UNC13C: variants seen among roughly 807,000 people sequenced by gnomAD.
UNC13C encodes protein unc-13 homolog C.
A neutral mutation model predicts 245.4 loss-of-function variants in UNC13C; 174 were observed. The observed-to-expected ratio is 0.71, with a 90% CI of 0.63 to 0.80. UNC13C has a LOEUF of 0.80. Ranked by LOEUF, UNC13C falls within the 30% of genes least tolerant of loss-of-function variation. UNC13C has a pLI of 0.00. For synonymous variants in UNC13C, 992 were observed against 895.1 expected, an observed-to-expected ratio of 1.11 and a Z score of -1.93; for missense variants, 2,829 against 2,602.9, an observed-to-expected ratio of 1.09 and a Z score of -1.89.
At chr15:54,602,679 T>C (rs1386667179) in intron 30 of UNC13C, among the ~76,000 whole-genome samples, 1 of 152,094 alleles carries the variant, frequency 6.6e-6, no homozygotes, top group African/African-American at 2.4e-5. Context: ...ACCACAAAAG[T>C]CATCAAAGAA....
chr15:53,917,779 C>T, the UNC13C span, among the ~76,000 whole-genome samples: 6 of 152,282 alleles, frequency 3.9e-5, no homozygotes, highest in South Asian at 1.2e-3. Flanking sequence ...AGGGTTAGGA[C>T]AACAGGATTT....
chr15:54,555,573 G>C (rs1246860977), intron 29 of UNC13C, 61 bp downstream of exon 29: 5 of 1,341,780 alleles, frequency 3.7e-6, no homozygotes, highest in South Asian at 2.5e-5. Context: ...TCCAGAGATA[G>C]GTAGCCCTGA....
rs542043833 is a variant in UNC13C, at chr15:54,104,130, A to G, written c.2984-38888A>G. Among the ~76,000 whole-genome samples, 3 of 152,090 alleles carry G rather than the reference A, an allele frequency of 2.0e-5. No individual in the cohort carries two copies. In the East Asian group the frequency reaches 5.8e-4, roughly 29 times the overall value. On this transcript the variant is annotated intron_variant, in intron 2 of 32. Transcript: ENST00000260323. ...CTCGCCTCAGCGAGCCCATGTTTGG[A>G]CCCATTGCTCTGGATACTTGCTGTA...
intron 1 of UNC13C, among the ~76,000 whole-genome samples, chr15:53,986,961 A>G (rs56314416): frequency 0.12 from 18,940 of 152,034 alleles, 1,496 homozygotes; most frequent in East Asian, 0.28. Flanking sequence ...CTAATTTATC[A>G]TAGTAGCTTT....
At chr15:54,225,457 C>T (rs944843688) in intron 4 of UNC13C, among the ~76,000 whole-genome samples, 1 of 152,188 alleles carries the variant, frequency 6.6e-6, no homozygotes, top group African/African-American at 2.4e-5. Context: ...GAATGTTGTT[C>T]CATTTGTTTG....
chr15:54,054,535 AG>A lies in UNC13C; in HGVS notation c.2983+38650del, dbSNP rs142297526. Among the ~76,000 whole-genome samples the A allele has an allele frequency of 6.3e-3, 962 of 152,290 alleles. 10 individuals are homozygous for A. The highest frequency in any genetic ancestry group is 0.022 in the African/African-American group (924 of 41,572). ...ATGCTGATATACCATTGCAGAATCA[AG>A]AAGATAGGATCATTAAGCTGGATGT... is the stretch of plus-strand genomic sequence containing the variant. On this transcript the variant is annotated intron_variant, in intron 2 of 32. Transcript: ENST00000260323.
intron 19 of UNC13C, among the ~76,000 whole-genome samples, chr15:54,486,996 A>T (rs903232494): frequency 2.6e-5 from 4 of 151,628 alleles, no homozygotes; most frequent in African/African-American, 7.3e-5. Context: ...AGTATATCTA[A>T]GAGGAATGTC....
intron 19 of UNC13C, among the ~76,000 whole-genome samples, chr15:54,453,879 T>C (rs1186503371): frequency 6.6e-6 from 1 of 152,174 alleles, no homozygotes; most frequent in Non-Finnish European, 1.5e-5. Flanking sequence ...TTTAGTTTAT[T>C]CACAGTGTTG....
At chr15:53,940,611 C>G in the UNC13C span, among the ~76,000 whole-genome samples, 8,009 of 152,210 alleles carry the variant, frequency 0.053, 420 homozygotes, top group African/African-American at 0.13. Context: ...TCGGCAACTT[C>G]AGCAAAGTTT....
chr15:53,854,919 A>G, the UNC13C span, among the ~76,000 whole-genome samples: 1 of 152,214 alleles, frequency 6.6e-6, no homozygotes, highest in Non-Finnish European at 1.5e-5. Flanking sequence ...GATTCTTGCT[A>G]TCCATGAACA....
At chr15:54,164,365 A>G (rs1029824331) in intron 4 of UNC13C, among the ~76,000 whole-genome samples, 1 of 152,232 alleles carries the variant, frequency 6.6e-6, no homozygotes, top group African/African-American at 2.4e-5. Context: ...TAAATTGTAT[A>G]TAACGTTTTC....
chr15:54,540,331 T>C (rs186327460), intron 26 of UNC13C, among the ~76,000 whole-genome samples: 1 of 152,134 alleles, frequency 6.6e-6, no homozygotes, highest in East Asian at 1.9e-4. Context: ...CTAGGTAAAT[T>C]TTCATGAAAA....
At chr15:54,247,489 T>C (rs1207626265) in intron 7 of UNC13C, among the ~76,000 whole-genome samples, 1 of 152,210 alleles carries the variant, frequency 6.6e-6, no homozygotes, top group African/African-American at 2.4e-5. Context: ...CAACTCAACA[T>C]ATACTTTGCT....
chr15:53,984,316 C>T (rs573381019), intron 1 of UNC13C, among the ~76,000 whole-genome samples: 1 of 152,108 alleles, frequency 6.6e-6, no homozygotes, highest in Non-Finnish European at 1.5e-5. Flanking sequence ...CAGATACTGA[C>T]ATTTTATACA....
At chr15:54,558,403 T>A (rs771795080) in intron 29 of UNC13C, among the ~76,000 whole-genome samples, 15 of 152,072 alleles carry the variant, frequency 9.9e-5, no homozygotes, top group Non-Finnish European at 1.8e-4. Context: ...TGCTTCTATG[T>A]CACATTTTTT....
chr15:54,165,549 G>C (rs1342506083), intron 4 of UNC13C, among the ~76,000 whole-genome samples: 1 of 151,936 alleles, frequency 6.6e-6, no homozygotes, highest in Non-Finnish European at 1.5e-5. Flanking sequence ...TCAGAACTTA[G>C]GTATTGTAGT....
chr15:53,992,694 T>C (rs1291238585), intron 1 of UNC13C, among the ~76,000 whole-genome samples: 3 of 152,094 alleles, frequency 2.0e-5, no homozygotes, highest in African/African-American at 7.2e-5. Context: ...ACTCTTATGA[T>C]TAATTCCTGG....
At chr15:54,611,814 A>G (rs530491420) in intron 30 of UNC13C, among the ~76,000 whole-genome samples, 2 of 152,278 alleles carry the variant, frequency 1.3e-5, no homozygotes, top group Admixed American at 6.5e-5. Context: ...GAGTATAAAG[A>G]TATTACTCAA....
At chr15:54,347,836 T>C (rs918344231) in intron 17 of UNC13C, among the ~76,000 whole-genome samples, 7 of 152,194 alleles carry the variant, frequency 4.6e-5, no homozygotes, top group African/African-American at 1.7e-4. Context: ...CTCTCACTTC[T>C]TATCTCAAAG....
Sources: gnomAD v4.1 joint callset for allele counts (sites outside exome capture counted in the v4.1 genomes callset) on GRCh38, gnomAD v4.1.1 for gene constraint, MANE v1.5 for transcripts, NCBI Gene and HGNC (gene_info 2026-07-23, HGNC 2026-07-21) for gene names.